The following ZNF713 variants were observed in gnomAD, a reference collection of about 807,000 sequenced individuals.
ZNF713 encodes the protein zinc finger protein 713.
ZNF713 carries 21 observed loss-of-function variants against 28.7 expected under a neutral mutation model. That is an observed-to-expected ratio of 0.73 (90% CI 0.52 to 1.05). ZNF713 has a LOEUF of 1.05. Among genes scored for constraint, ZNF713 ranks in the 50% least tolerant of loss-of-function variants. The probability of loss-of-function intolerance (pLI) is 0.00; values close to 1 mark genes in which losing one functional copy is unlikely to be tolerated. For missense variants in ZNF713, 458 were observed against 532.4 expected (o/e 0.86, Z 1.37); for synonymous variants, 167 against 178.0 (o/e 0.94, Z 0.49).
Position 55,941,802 on chromosome 7 carries a change from CAG to C in ZNF713, c.*1797_*1798del, listed in dbSNP as rs762279968. 7 of 151,952 alleles carry C rather than the reference CAG, an allele frequency of 4.6e-5. No individual in the cohort carries two copies. Among genetic ancestry groups the C allele is most frequent in the Non-Finnish European group, 1.0e-4 (7 of 67,992 alleles). The allele number at this position is 151,952 out of a possible 1,614,324, so 9.4% of individuals were successfully genotyped here. A position where few individuals can be genotyped will look rare whatever the true frequency, so the allele number is the denominator to read the frequency against. On this transcript the variant is annotated 3_prime_UTR_variant, in exon 7 of 7. Transcript: ENST00000429591. ...ATCTTGTGTGCCGTTGTTTGAGAAA[CAG>C]TGTGATAGTTTGTGGCAATATCCTG...
chr7:55,930,882 G>GA (rs926919423), intron 6 of ZNF713, among the ~76,000 whole-genome samples: 1 of 152,036 alleles, frequency 6.6e-6, no homozygotes, highest in African/African-American at 2.4e-5. Context: ...GCCCTTTACA[G>GA]AAAAAAAACT....
chr7:55,939,792 G>A lies in ZNF713; in HGVS notation c.1118G>A (p.Gly373Asp). The change falls in exon 7 of 7, where the codon GGT becomes GAT. Residue 373 changes from glycine to aspartate, a missense_variant. Coordinates refer to ENST00000429591, the MANE Select transcript of ZNF713 (RefSeq NM_182633.3). ...LHTGEKPYEC[G>D]FCGKAFSQRT... Reference sequence around the variant, plus strand: ...ACCGGAGAGAAACCTTACGAATGTGGTTTCTGTGGCAAAGCCTTCAGTCAG... The same window carrying A: ...ACCGGAGAGAAACCTTACGAATGTGATTTCTGTGGCAAAGCCTTCAGTCAG... 3 of 1,614,144 alleles carry A rather than the reference G, an allele frequency of 1.9e-6. No individual in the cohort carries two copies. The highest frequency in any genetic ancestry group is 2.5e-6 in the Non-Finnish European group (3 of 1,180,024).
intron 1 of ZNF713, among the ~76,000 whole-genome samples, chr7:55,888,032 A>G (rs1187039674): frequency 1.3e-5 from 2 of 151,928 alleles, no homozygotes; most frequent in African/African-American, 4.8e-5. Context: ...TTATAAACAC[A>G]TTGTCTTCTA....
At chr7:55,896,871 T>C (rs1386361382) in intron 1 of ZNF713, among the ~76,000 whole-genome samples, 1 of 152,018 alleles carries the variant, frequency 6.6e-6, no homozygotes, top group Non-Finnish European at 1.5e-5. Flanking sequence ...CATCTTATAT[T>C]GCCAAGAAGT....
At chr7:55,910,520 G>C (rs1454584194) in intron 2 of ZNF713, among the ~76,000 whole-genome samples, 1 of 152,070 alleles carries the variant, frequency 6.6e-6, no homozygotes, top group East Asian at 1.9e-4. Flanking sequence ...TTTTAAGACA[G>C]GGTCTTACTC....
At chr7:55,927,771 C>T (rs542110506) in intron 6 of ZNF713, among the ~76,000 whole-genome samples, 1 of 151,482 alleles carries the variant, frequency 6.6e-6, no homozygotes, top group African/African-American at 2.4e-5. Context: ...GTGGCGTGCA[C>T]CTGTAATCCC....
At position 55,912,545 on chromosome 7, in the gene ZNF713, C is replaced by T. The variant is rs967804206; in HGVS notation, c.-2-90C>T. Reference sequence around the variant, plus strand: ...TTATGTCTTAGAGGGCTTCTCAGTACTGTCTGCCATACCTACACAAAGCAG... The same window carrying T: ...TTATGTCTTAGAGGGCTTCTCAGTATTGTCTGCCATACCTACACAAAGCAG... On this transcript the variant is annotated intron_variant, in intron 3 of 6. Transcript: ENST00000429591. 168 of 883,168 alleles carry T rather than the reference C, an allele frequency of 1.9e-4. 1 individual carries two copies. Among genetic ancestry groups the T allele is most frequent in the Middle Eastern group, 9.7e-4 (3 of 3,102 alleles). The allele number at this position is 883,168 out of a possible 1,614,324, so 54.7% of individuals were successfully genotyped here.
At chr7:55,892,637 C>A (rs891069613) in intron 1 of ZNF713, among the ~76,000 whole-genome samples, 4 of 148,246 alleles carry the variant, frequency 2.7e-5, no homozygotes, top group African/African-American at 1.0e-4. Context: ...CTTTAGGAGA[C>A]CAAGGCGATT....
Position 55,923,285 on chromosome 7 carries a change from C to A in ZNF713, c.211C>A (p.Leu71Met). The A allele has an allele frequency of 6.2e-7, 1 of 1,609,490 alleles. No homozygotes were observed. The highest frequency in any genetic ancestry group is 8.5e-7 in the Non-Finnish European group (1 of 1,178,510). The change falls in exon 5 of 7, where the codon CTG (leucine) becomes ATG (methionine). Residue 71 changes from leucine (L) to methionine (M), a missense_variant. Leu to Met is a conservative substitution (Grantham distance 15, BLOSUM62 2). Coordinates refer to ENST00000429591, the MANE Select transcript of ZNF713 (RefSeq NM_182633.3). Reference protein sequence around the residue: ...MLENYRNLVALGYQLCKPEVI... With the variant: ...MLENYRNLVAMGYQLCKPEVI... The stretch of plus-strand genomic sequence containing the variant: ...GGAGAACTACAGGAATCTAGTTGCA[C>A]TGGGTGAGGATGGCATCCCTGTGAA...
intron 6 of ZNF713, among the ~76,000 whole-genome samples, chr7:55,926,691 C>T (rs1786102980): frequency 6.6e-6 from 1 of 152,088 alleles, no homozygotes; most frequent in Non-Finnish European, 1.5e-5. Flanking sequence ...GTAGATTTAG[C>T]AGCAAGAAAA....
intron 1 of ZNF713, among the ~76,000 whole-genome samples, chr7:55,896,425 A>G (rs1005893229): frequency 7.2e-5 from 11 of 152,154 alleles, no homozygotes; most frequent in African/African-American, 2.4e-4. Flanking sequence ...GCTGTGTTAT[A>G]TGTATGTCAC....
intron 1 of ZNF713, among the ~76,000 whole-genome samples, chr7:55,898,299 T>C (rs916012065): frequency 6.6e-6 from 1 of 152,028 alleles, no homozygotes; most frequent in Admixed American, 6.6e-5. Flanking sequence ...AAACCAAGGA[T>C]TGGGAGAAAA....
At chr7:55,894,698 G>A (rs918892644) in intron 1 of ZNF713, among the ~76,000 whole-genome samples, 2 of 152,096 alleles carry the variant, frequency 1.3e-5, no homozygotes, top group African/African-American at 4.8e-5. Flanking sequence ...AACAGTGTTT[G>A]CTGTTGTCTA....
intron 6 of ZNF713, among the ~76,000 whole-genome samples, chr7:55,926,839 C>T (rs569091377): frequency 3.0e-4 from 46 of 152,202 alleles, no homozygotes; most frequent in African/African-American, 1.1e-3. Flanking sequence ...TTATAAGCAG[C>T]TAGACTGAGG....
chr7:55,903,342 AC>A (rs911982752), intron 1 of ZNF713, among the ~76,000 whole-genome samples: 15 of 152,182 alleles, frequency 9.9e-5, no homozygotes, highest in African/African-American at 3.6e-4. Flanking sequence ...AAGATGGGTT[AC>A]TAGACAAATA....
rs148749624 is a variant in ZNF713 at position 55,896,862 on chromosome 7, A to G, written c.-583+9182A>G. Among the ~76,000 whole-genome samples the G allele has an allele frequency of 4.2e-4, 64 of 152,274 alleles. 2 individuals carry two copies. Among genetic ancestry groups the G allele is most frequent in the African/African-American group, 1.4e-3 (59 of 41,580 alleles). On this transcript the variant is annotated intron_variant, in intron 1 of 6. Coordinates refer to ENST00000429591, the MANE Select transcript of ZNF713 (RefSeq NM_182633.3). Reference sequence around the variant, plus strand: ...CAGGAAAAATGCTAGAGCCTGAAACATCTTATATTGCCAAGAAGTGAGAAA... The same window carrying G: ...CAGGAAAAATGCTAGAGCCTGAAACGTCTTATATTGCCAAGAAGTGAGAAA...
Position 55,939,325 on chromosome 7 carries a change from A to T in ZNF713, c.651A>T (p.Lys217Asn), listed in dbSNP as rs367771464. The T allele has an allele frequency of 1.7e-5, 28 of 1,614,014 alleles. No individual in the cohort carries two copies. The highest frequency in any genetic ancestry group is 3.3e-5 in the Admixed American group (2 of 59,992). ...LNSDTQGNSI[K>N]HNSDLIYYQG... ...CTGACACACAGGGAAACAGCATCAA[A>T]CATAATTCAGACTTGATTTACTATC... Residue 217 changes from lysine (K) to asparagine (N), a missense_variant, in exon 7 of 7, where the codon AAA becomes AAT. Coordinates refer to ENST00000429591, the MANE Select transcript of ZNF713 (RefSeq NM_182633.3).
At chr7:55,892,116 A>AATAGT (rs1562733669) in intron 1 of ZNF713, among the ~76,000 whole-genome samples, 1 of 151,662 alleles carries the variant, frequency 6.6e-6, no homozygotes, top group Non-Finnish European at 1.5e-5. Flanking sequence ...CGTCTCTACT[A>AATAGT]AAACTACAAA....
chr7:55,929,611 T>G (rs545778100), intron 6 of ZNF713, among the ~76,000 whole-genome samples: 10 of 151,596 alleles, frequency 6.6e-5, no homozygotes, highest in Non-Finnish European at 1.5e-4. Flanking sequence ...TGGAAGAGGC[T>G]GGGTGCAGTG....
Sources: gnomAD v4.1 joint callset for allele counts (sites outside exome capture counted in the v4.1 genomes callset) on GRCh38, gnomAD v4.1.1 for gene constraint, MANE v1.5 for transcripts, NCBI Gene and HGNC (gene_info 2026-07-23, HGNC 2026-07-21) for gene names.